ALKBH8: variants seen among roughly 807,000 people sequenced by gnomAD.
The protein encoded by ALKBH8 is tRNA (carboxymethyluridine(34)-5-O)-methyltransferase ALKBH8.
ALKBH8 carries 36 observed loss-of-function variants against 59.8 expected under a neutral mutation model. The observed-to-expected ratio is 0.60, with a 90% CI of 0.46 to 0.79. ALKBH8 has a LOEUF of 0.79. ALKBH8 is among the 30% of genes least tolerant of loss of function. The pLI is 0.00. For missense variants in ALKBH8, 768 were observed against 801.0 expected (o/e 0.96, Z 0.50); for synonymous variants, 276 against 273.6 (o/e 1.01, Z -0.09).
Position 107,528,008 on chromosome 11 carries a change from G to A in ALKBH8, c.879-2416C>T, listed in dbSNP as rs186286241. Among the ~76,000 whole-genome samples, 21 of 152,054 alleles carry A rather than the reference G, an allele frequency of 1.4e-4. No individual in the cohort carries two copies. In the East Asian group the frequency reaches 1.7e-3, roughly 13 times the overall value. On this transcript the variant is annotated intron_variant, in intron 8 of 11. Transcript: ENST00000428149. ...AGTTCCCTTCTTGTCCTAGTTTGCCGGGCTTTATCATGAATGGGTACTAAA... is the reference window on the plus strand; with the variant it reads ...AGTTCCCTTCTTGTCCTAGTTTGCCAGGCTTTATCATGAATGGGTACTAAA...
intron 7 of ALKBH8, among the ~76,000 whole-genome samples, chr11:107,548,948 T>G (rs1864381280): frequency 1.3e-5 from 2 of 152,060 alleles, no homozygotes; most frequent in South Asian, 4.2e-4. Flanking sequence ...CCTCCCAGGT[T>G]CAAGTGATTC....
In ALKBH8 at chr11:107,553,105, T is replaced by C; in HGVS notation, c.595+3A>G. On this transcript the variant is annotated splice_donor_region_variant and intron_variant, in intron 5 of 11. Coordinates refer to ENST00000428149, the MANE Select transcript of ALKBH8 (RefSeq NM_138775.3). The stretch of plus-strand genomic sequence containing the variant: ...AATTTATTATGTATTAGCAATTACT[T>C]ACCCCCAGATAATGGCTTATCTTTA... 6.4e-7 allele frequency: 1 copy of C among 1,562,770 alleles called. No homozygotes were observed.
chr11:107,537,299 C>T (rs1317159372), intron 7 of ALKBH8, among the ~76,000 whole-genome samples: 2 of 152,120 alleles, frequency 1.3e-5, no homozygotes, highest in African/African-American at 2.4e-5. Context: ...GACATGGAAT[C>T]AATGTAAATG....
chr11:107,535,677 AATGGAGTATGGGCTTAAGC>A (rs750422114), intron 7 of ALKBH8, among the ~76,000 whole-genome samples: 3 of 152,098 alleles, frequency 2.0e-5, no homozygotes, highest in Non-Finnish European at 4.4e-5. Context: ...CTGATGTAAC[AATGGAGTATGGGCTTAAGC>A]AAGGAGATGC....
chr11:107,541,287 C>T (rs1478777131), intron 7 of ALKBH8, among the ~76,000 whole-genome samples: 2 of 152,124 alleles, frequency 1.3e-5, no homozygotes, highest in African/African-American at 4.8e-5. Flanking sequence ...AATTAAAATG[C>T]AAGTATTACA....
At chr11:107,557,498 TA>T (rs1173524216) in intron 2 of ALKBH8, among the ~76,000 whole-genome samples, 2 of 152,164 alleles carry the variant, frequency 1.3e-5, no homozygotes, top group African/African-American at 4.8e-5. Context: ...AGGTGGTGAT[TA>T]GGGGTGGGTT....
At chr11:107,527,391 T>C (rs1400296088) in intron 8 of ALKBH8, among the ~76,000 whole-genome samples, 1 of 151,960 alleles carries the variant, frequency 6.6e-6, no homozygotes, top group Non-Finnish European at 1.5e-5. Flanking sequence ...ACCTCTTTAC[T>C]ATAATAACAG....
At chr11:107,564,330 A>G (rs1865048701) in intron 1 of ALKBH8, among the ~76,000 whole-genome samples, 1 of 152,210 alleles carries the variant, frequency 6.6e-6, no homozygotes, top group South Asian at 2.1e-4. Context: ...ATTATGAAAC[A>G]AGCAGTATAG....
Position 107,504,567 on chromosome 11 carries a change from T to C in ALKBH8, c.*91A>G. On this transcript the variant is annotated 3_prime_UTR_variant, in exon 12 of 12. Coordinates refer to ENST00000428149, the MANE Select transcript of ALKBH8 (RefSeq NM_138775.3). ...TTTCCTTTGGTACTTTCCCACAAGT[T>C]TTCTCTTTAATTAAAAGGGTAATTA... 1 of 1,480,816 alleles carries C rather than the reference T, an allele frequency of 6.8e-7. No homozygotes were observed. Among genetic ancestry groups the C allele is most frequent in the Non-Finnish European group, 9.2e-7 (1 of 1,087,610 alleles). 91.7% of individuals were successfully genotyped at this position (1,480,816 alleles called of 1,614,324 possible). A position where few individuals can be genotyped will look rare whatever the true frequency, so the allele number is the denominator to read the frequency against.
rs1358107638 is a variant in ALKBH8 at position 107,504,495 on chromosome 11, C to T, written c.*163G>A. ...ATCTGTGATGTCAGCCAACAGGAGACATTTGAATGTCTCCTAATGAATCCC... is the reference window on the plus strand; with the variant it reads ...ATCTGTGATGTCAGCCAACAGGAGATATTTGAATGTCTCCTAATGAATCCC... On this transcript the variant is annotated 3_prime_UTR_variant, in exon 12 of 12. Coordinates refer to ENST00000428149, the MANE Select transcript of ALKBH8 (RefSeq NM_138775.3). The T allele has an allele frequency of 3.6e-6, 3 of 822,512 alleles. No individual in the cohort carries two copies. Among genetic ancestry groups the T allele is most frequent in the Non-Finnish European group, 6.0e-6 (3 of 496,132 alleles). The allele number at this position is 822,512 out of a possible 1,614,324, so 51.0% of individuals were successfully genotyped here.
intron 7 of ALKBH8, among the ~76,000 whole-genome samples, 169 bp downstream of exon 7, chr11:107,549,584 T>C (rs1488935404): frequency 6.6e-6 from 1 of 152,190 alleles, no homozygotes. Context: ...AGATAAAATT[T>C]TGGATATTTA....
Position 107,511,121 on chromosome 11 carries a change from C to A in ALKBH8, c.1288-85G>T, listed in dbSNP as rs370081570. On this transcript the variant is annotated intron_variant, in intron 10 of 11. Transcript: ENST00000428149. ...ATGAACTTATTCCATACCTTAAAGT[C>A]ATTAGACAGATACCATATTCATTGT... The A allele has an allele frequency of 8.2e-6, 11 of 1,345,044 alleles. No homozygotes were observed. The African/African-American group carries it at 1.6e-4, about 19-fold the overall frequency. 83.3% of individuals were successfully genotyped at this position (1,345,044 alleles called of 1,614,324 possible). A position where few individuals can be genotyped will look rare whatever the true frequency, so the allele number is the denominator to read the frequency against.
Position 107,537,349 on chromosome 11 carries a change from A to G in ALKBH8, c.772-4943T>C, listed in dbSNP as rs745916181. Among the ~76,000 whole-genome samples the G allele has an allele frequency of 3.9e-5, 6 of 152,236 alleles. 1 individual carries two copies. Among genetic ancestry groups the G allele is most frequent in the Non-Finnish European group, 8.8e-5 (6 of 68,046 alleles). On this transcript the variant is annotated intron_variant, in intron 7 of 11. Transcript: ENST00000428149. ...ACTAGAACAAGAACATGTGGTACAT[A>G]TACACCATGGAATACTATGCAGCCA...
intron 11 of ALKBH8, among the ~76,000 whole-genome samples, chr11:107,509,658 T>A (rs148553952): frequency 6.6e-6 from 1 of 152,316 alleles, no homozygotes; most frequent in East Asian, 1.9e-4. Flanking sequence ...TGATCCATTT[T>A]GAGGTTTTTC....
At chr11:107,541,098 C>G (rs1284629474) in intron 7 of ALKBH8, among the ~76,000 whole-genome samples, 1 of 152,050 alleles carries the variant, frequency 6.6e-6, no homozygotes, top group Non-Finnish European at 1.5e-5. Flanking sequence ...ATTCCTGAGG[C>G]CCTAGATTGC....
chr11:107,557,461 TAGA>T (rs750400520), intron 2 of ALKBH8, among the ~76,000 whole-genome samples: 9 of 152,316 alleles, frequency 5.9e-5, no homozygotes, highest in Middle Eastern at 3.4e-3. Context: ...CCCAATTTCA[TAGA>T]AGAAGATCTG....
At chr11:107,521,920 C>A (rs79453019) in intron 10 of ALKBH8, among the ~76,000 whole-genome samples, 7,393 of 152,118 alleles carry the variant, frequency 0.049, 373 homozygotes, top group East Asian at 0.22. Context: ...TCACTGTGAG[C>A]CCCAATTTCT....
At chr11:107,535,097 A>G (rs1199489985) in intron 7 of ALKBH8, among the ~76,000 whole-genome samples, 1 of 152,052 alleles carries the variant, frequency 6.6e-6, no homozygotes, top group Non-Finnish European at 1.5e-5. Flanking sequence ...GTTCCTTTTT[A>G]TGGCTGAGTA....
chr11:107,546,045 C>A (rs1229817034), intron 7 of ALKBH8, among the ~76,000 whole-genome samples: 1 of 152,184 alleles, frequency 6.6e-6, no homozygotes, highest in Non-Finnish European at 1.5e-5. Context: ...ACAAAGTTCA[C>A]GTGACTCATT....
Sources: gnomAD v4.1 joint callset for allele counts (sites outside exome capture counted in the v4.1 genomes callset) on GRCh38, gnomAD v4.1.1 for gene constraint, MANE v1.5 for transcripts, NCBI Gene and HGNC (gene_info 2026-07-23, HGNC 2026-07-21) for gene names.